The following AHCTF1 variants were observed in gnomAD, a reference collection of about 807,000 sequenced individuals.
The protein encoded by AHCTF1 is protein ELYS.
Under a neutral mutation model 248.4 loss-of-function variants are expected in AHCTF1, and 24 were observed. That is an observed-to-expected ratio of 0.10 (90% CI 0.07 to 0.14). AHCTF1 has a LOEUF of 0.14. Among genes scored for constraint, AHCTF1 ranks in the 10% least tolerant of loss-of-function variants. AHCTF1 has a pLI of 1.00. For missense variants in AHCTF1, 2,206 were observed against 2,636.2 expected, an observed-to-expected ratio of 0.84 and a Z score of 3.57; for synonymous variants, 786 against 929.8, an observed-to-expected ratio of 0.85 and a Z score of 2.81.
At chr1:246,908,178 C>G (rs1665529887) in intron 4 of AHCTF1, among the ~76,000 whole-genome samples, 1 of 151,992 alleles carries the variant, frequency 6.6e-6, no homozygotes, top group Non-Finnish European at 1.5e-5. Context: ...TGCCAATAAT[C>G]TAGGAAGCTA....
At position 246,917,206 on chromosome 1, in the gene AHCTF1, G is replaced by T. The variant is rs1284901073; in HGVS notation, c.122-811C>A. ...CTAGGTGACCGAATAGAGAAAAGTG[G>T]GTTGACTGGAGATTCAACTTAGAGG... On this transcript the variant is annotated intron_variant, in intron 2 of 35. Coordinates refer to ENST00000648844, the MANE Select transcript of AHCTF1 (RefSeq NM_001323342.2). 2.0e-5 allele frequency among the ~76,000 whole-genome samples: 3 copies of T among 152,300 alleles called. No homozygotes were observed. The East Asian group carries it at 5.8e-4, about 29-fold the overall frequency.
chr1:246,859,702 A>AGTAGCTAGGAATACAAGT lies in AHCTF1; in HGVS notation c.4132+1179_4132+1196dup, dbSNP rs1422852586. ...GCGATCCTCCCCTCTCAGTGTCCTG[A>AGTAGCTAGGAATACAAGT]GTAGCTAGGAATACAAGTGCATGCT... On this transcript the variant is annotated intron_variant, in intron 29 of 35. Coordinates refer to ENST00000648844, the MANE Select transcript of AHCTF1 (RefSeq NM_001323342.2). Among the ~76,000 whole-genome samples, 16 of 152,184 alleles carry AGTAGCTAGGAATACAAGT rather than the reference A, an allele frequency of 1.1e-4. No homozygotes were observed. In the East Asian group the frequency reaches 3.1e-3, roughly 30 times the overall value.
Position 246,861,497 on chromosome 1 carries a change from T to C in AHCTF1, c.3736-202A>G, listed in dbSNP as rs144631810. Among the ~76,000 whole-genome samples the C allele has an allele frequency of 5.7e-3, 865 of 152,322 alleles. 4 individuals are homozygous for C. The highest frequency in any genetic ancestry group is 8.7e-3 in the Non-Finnish European group (591 of 68,026). ...TGGCTAATGTTTCCCTAATTGGTAA[T>C]ATACCAGTATTTTCAGAAGACTACA... is the stretch of plus-strand genomic sequence containing the variant. On this transcript the variant is annotated intron_variant, in intron 28 of 35. Coordinates refer to ENST00000648844, the MANE Select transcript of AHCTF1 (RefSeq NM_001323342.2).
chr1:246,931,523 C>T (rs1267810110), intron 1 of AHCTF1, 55 bp downstream of exon 1: 6 of 359,592 alleles, frequency 1.7e-5, no homozygotes, highest in Non-Finnish European at 2.3e-5. Flanking sequence ...GGGTCCAGGC[C>T]GCGCGACCCG....
intron 33 of AHCTF1, among the ~76,000 whole-genome samples, chr1:246,846,470 G>A (rs183898548): frequency 8.6e-5 from 13 of 152,010 alleles, no homozygotes; most frequent in Middle Eastern, 3.4e-3. Flanking sequence ...TCTAGGAGGA[G>A]GAAACAAGGC....
chr1:246,843,740 T>TA (rs71680437), intron 34 of AHCTF1, 55 bp downstream of exon 34: 266 of 993,602 alleles, frequency 2.7e-4, no homozygotes, highest in Non-Finnish European at 3.1e-4. Context: ...AAAACATTTG[T>TA]AAAAAAAAAA....
chr1:246,876,330 T>A (rs768710998), intron 23 of AHCTF1, 143 bp from the exon 24 acceptor site: 2 of 661,786 alleles, frequency 3.0e-6, no homozygotes, highest in Non-Finnish European at 4.8e-6. Context: ...ACCAAGAACT[T>A]CATCCACATA....
In AHCTF1 at chr1:246,888,432, C is replaced by T; in HGVS notation, c.2230G>A (p.Glu744Lys). 1 of 1,613,044 alleles carries T rather than the reference C, an allele frequency of 6.2e-7. No homozygotes were observed. Among genetic ancestry groups the T allele is most frequent in the Non-Finnish European group, 8.5e-7 (1 of 1,180,012 alleles). Residue 744 changes from glutamate (E) to lysine (K), a missense_variant, in exon 18 of 36, where the codon GAA becomes AAA. Glu to Lys is a moderately conservative substitution (Grantham distance 56). This residue lies in a region of AHCTF1 where 650 missense variants were observed against 870.8 expected (regional missense o/e 0.75). Transcript: ENST00000648844. ...GGAGGATATTTTCCTGTGCCTCCTT[C>T]ATCTCGTTTCCACAACTTCTCAATT... is the stretch of plus-strand genomic sequence containing the variant. ...ERIEKLWKRD[E>K]GGTGKYPPAS...
chr1:246,890,914 G>T, intron 16 of AHCTF1, 42 bp downstream of exon 16: 1 of 1,227,202 alleles, frequency 8.1e-7, no homozygotes, highest in Non-Finnish European at 1.1e-6. Flanking sequence ...TAAAGATTCA[G>T]AATGTTTTAA....
At chr1:246,920,926 T>C (rs1666501390) in intron 1 of AHCTF1, among the ~76,000 whole-genome samples, 1 of 149,266 alleles carries the variant, frequency 6.7e-6, no homozygotes, top group Admixed American at 6.7e-5. Flanking sequence ...TCTCTACTAA[T>C]AATACCAAAA....
At chr1:246,923,392 G>C (rs184538425) in intron 1 of AHCTF1, among the ~76,000 whole-genome samples, 1 of 152,178 alleles carries the variant, frequency 6.6e-6, no homozygotes, top group Admixed American at 6.5e-5. Flanking sequence ...TCCAGCCTAG[G>C]TGACAGCAAG....
chr1:246,868,673 C>G (rs1262564414), intron 24 of AHCTF1, among the ~76,000 whole-genome samples: 2 of 149,858 alleles, frequency 1.3e-5, no homozygotes, highest in East Asian at 3.9e-4. Flanking sequence ...GTGCCTTCAA[C>G]TGAAATAGGA....
chr1:246,895,270 G>A (rs1464814767), intron 13 of AHCTF1, among the ~76,000 whole-genome samples: 1 of 152,090 alleles, frequency 6.6e-6, no homozygotes, highest in Non-Finnish European at 1.5e-5. Context: ...TCACAAAGTG[G>A]TTTTGTAAGT....
At chr1:246,854,057 T>C (rs1660918468) in intron 31 of AHCTF1, among the ~76,000 whole-genome samples, 1 of 152,136 alleles carries the variant, frequency 6.6e-6, no homozygotes, top group African/African-American at 2.4e-5. Context: ...CCTAGCACTT[T>C]GGGAGGCCAA....
In AHCTF1 at chr1:246,926,909, A is replaced by T. The variant is rs141791876; in HGVS notation, c.-8+4669T>A. 6.0e-3 allele frequency among the ~76,000 whole-genome samples: 905 copies of T among 152,040 alleles called. 1 individual carries two copies. The highest frequency in any genetic ancestry group is 9.8e-3 in the African/African-American group (408 of 41,472). ...AAGTGTATGGCCGGGCCGCGGTGGC[A>T]CACGCCTGTAATCCCAGCACTTTGG... On this transcript the variant is annotated intron_variant, in intron 1 of 35. Transcript: ENST00000648844.
intron 1 of AHCTF1, among the ~76,000 whole-genome samples, chr1:246,920,802 G>A (rs934896380): frequency 6.7e-6 from 1 of 149,990 alleles, no homozygotes; most frequent in African/African-American, 2.5e-5. Flanking sequence ...AACAATAAAA[G>A]CATCCAGGCA....
intron 24 of AHCTF1, among the ~76,000 whole-genome samples, chr1:246,869,607 A>C (rs1018091071): frequency 6.6e-6 from 1 of 152,132 alleles, no homozygotes; most frequent in African/African-American, 2.4e-5. Flanking sequence ...ATGATGGGAA[A>C]TCTACTATGC....
rs529608809 is a variant in AHCTF1 at position 246,881,469 on chromosome 1, C to T, written c.2660+4024G>A. Among the ~76,000 whole-genome samples the T allele has an allele frequency of 4.6e-5, 7 of 152,218 alleles. No homozygotes were observed. In the South Asian group the frequency reaches 1.5e-3, roughly 32 times the overall value. ...GGGGACAAATATATTTGACATTTCA[C>T]CTATTAAATGGAGAATACATTGAGT... On this transcript the variant is annotated intron_variant, in intron 21 of 35. Transcript: ENST00000648844.
chr1:246,899,015 G>T (rs981083479), intron 11 of AHCTF1, among the ~76,000 whole-genome samples: 25 of 152,164 alleles, frequency 1.6e-4, no homozygotes, highest in Non-Finnish European at 3.2e-4. Context: ...CTTGAACCTG[G>T]GTGGCAGAGG....
Sources: gnomAD v4.1 joint callset for allele counts (sites outside exome capture counted in the v4.1 genomes callset) on GRCh38, gnomAD v4.1.1 for gene constraint, gnomAD v4.1.1 regional missense constraint, MANE v1.5 for transcripts, NCBI Gene and HGNC (gene_info 2026-07-23, HGNC 2026-07-21) for gene names.